The following SLC39A3 variants were observed in gnomAD, a reference collection of about 807,000 sequenced individuals.
The protein encoded by SLC39A3 is solute carrier family 39 member 3, also known as zinc transporter ZIP3.
A neutral mutation model predicts 5.1 loss-of-function variants in SLC39A3; 3 were observed. The observed-to-expected ratio is 0.59, with a 90% CI of 0.27 to 1.54. The LOEUF (loss-of-function observed/expected upper bound fraction) is 1.54, where lower values mean the gene tolerates loss of function less well. SLC39A3 is among the 40% of genes most tolerant of loss of function. SLC39A3 has a pLI of 0.12. For missense variants in SLC39A3, 412 were observed against 436.4 expected (o/e 0.94, Z 0.50); for synonymous variants, 250 against 218.8 (o/e 1.14, Z -1.26).
rs1035862603 is a variant in SLC39A3 at position 2,734,028 on chromosome 19, G to A, written c.211-543C>T. ...TTCCCTGACCGACATGCCTGGGCCC[G>A]ACTCTCCTCCTGGTCAGGGCTCTCC... On this transcript the variant is annotated intron_variant, in intron 2 of 2. Transcript: ENST00000269740. The surrounding 1 kb of genome is among the most constrained non-coding windows in gnomAD (Gnocchi z 4.6). Among the ~76,000 whole-genome samples the A allele has an allele frequency of 2.6e-5, 4 of 152,182 alleles. No homozygotes were observed. Among genetic ancestry groups the A allele is most frequent in the African/African-American group, 4.8e-5 (2 of 41,450 alleles).
intron 2 of SLC39A3, chr19:2,736,784 G>T: frequency 6.9e-7 from 1 of 1,445,852 alleles, no homozygotes; most frequent in Non-Finnish European, 9.1e-7. Context: ...TACCTAGGTG[G>T]GTAGTCTGGT....
Position 2,733,304 on chromosome 19 carries a change from G to A in SLC39A3, c.392C>T (p.Ser131Leu), listed in dbSNP as rs747631977. The A allele has an allele frequency of 4.8e-5, 77 of 1,612,874 alleles. No individual in the cohort carries two copies. Among genetic ancestry groups the A allele is most frequent in the East Asian group, 2.9e-4 (13 of 44,892 alleles). ...CCCCATGAAGGGGCTCTCATACTCC[G>A]AGTCGCTGCCCACGTCCGATCCGGC... ...FNAGSDVGSD[S>L]EYESPFMGGA... Residue 131 changes from serine (S) to leucine (L), a missense_variant, in exon 3 of 3, where the codon TCG becomes TTG. Transcript: ENST00000269740. This position sits in a 1 kb window ranked among gnomAD's most constrained non-coding sequence, Gnocchi z 6.1.
chr19:2,732,922 G>A lies in SLC39A3; in HGVS notation c.774C>T (p.Gly258=). Residue 258 remains glycine (G), a synonymous_variant, in exon 3 of 3, where the codon GGC becomes GGT. Coordinates refer to ENST00000269740, the MANE Select transcript of SLC39A3 (RefSeq NM_144564.5). The stretch of plus-strand genomic sequence containing the variant: ...CCTGCAGCAGCACGGACGCCACGCT[G>A]CCCGGCACGCCCTGGGCGCTCTCAA... The part of the protein sequence containing the change: ...LGIESAQGVP[G]SVASVLLQGL... The A allele has an allele frequency of 1.2e-6, 2 of 1,610,076 alleles. No homozygotes were observed. The highest frequency in any genetic ancestry group is 1.7e-6 in the Non-Finnish European group (2 of 1,178,490).
chr19:2,733,740 G>A lies in SLC39A3; in HGVS notation c.211-255C>T, dbSNP rs370888671. On this transcript the variant is annotated intron_variant, in intron 2 of 2. Coordinates refer to ENST00000269740, the MANE Select transcript of SLC39A3 (RefSeq NM_144564.5). This position sits in a 1 kb window ranked among gnomAD's most constrained non-coding sequence, Gnocchi z 6.1. ...GCGGATTGCTTGAGCCCAGGAGTTCGAGACCAGCCTGGCCAATATGGGGAA... is the reference window on the plus strand; with the variant it reads ...GCGGATTGCTTGAGCCCAGGAGTTCAAGACCAGCCTGGCCAATATGGGGAA... 2.6e-5 allele frequency among the ~76,000 whole-genome samples: 4 copies of A among 152,140 alleles called. No individual in the cohort carries two copies. Among genetic ancestry groups the A allele is most frequent in the Non-Finnish European group, 5.9e-5 (4 of 68,022 alleles).
At position 2,733,045 on chromosome 19, in the gene SLC39A3, G is replaced by A. The variant is rs1185879302; in HGVS notation, c.651C>T (p.Ile217=). The change falls in exon 3 of 3, where the codon ATC becomes ATT. Residue 217 remains isoleucine, a synonymous_variant. Transcript: ENST00000269740. The surrounding 1 kb of genome is among the most constrained non-coding windows in gnomAD (Gnocchi z 6.1). ...GGGGCATGGCACTCCGGGCCATGCT[G>A]ATGCCCAGGGCCACGGCCACCAGTG... is the stretch of plus-strand genomic sequence containing the variant. ...HETLVAVALG[I]SMARSAMPLR... is the part of the protein sequence containing the mutation. The A allele has an allele frequency of 6.2e-7, 1 of 1,609,606 alleles. No homozygotes were observed. The highest frequency in any genetic ancestry group is 8.5e-7 in the Non-Finnish European group (1 of 1,178,400).
At position 2,733,543 on chromosome 19, in the gene SLC39A3, C is replaced by G. The variant is rs1401103680; in HGVS notation, c.211-58G>C. ...GACCCACGCTCAGGGGTGGCGGCGA[C>G]AGGGCTGGCCAGATGTCACCGTTCA... On this transcript the variant is annotated intron_variant, in intron 2 of 2. Coordinates refer to ENST00000269740, the MANE Select transcript of SLC39A3 (RefSeq NM_144564.5). The surrounding 1 kb of genome is among the most constrained non-coding windows in gnomAD (Gnocchi z 6.1). 6.5e-7 allele frequency: 1 copy of G among 1,542,480 alleles called. No individual in the cohort carries two copies. The highest frequency in any genetic ancestry group is 8.7e-7 in the Non-Finnish European group (1 of 1,147,556).
chr19:2,735,101 C>T lies in SLC39A3; in HGVS notation c.211-1616G>A, dbSNP rs1202734744. 41 of 985,206 alleles carry T rather than the reference C, an allele frequency of 4.2e-5. No homozygotes were observed. Among genetic ancestry groups the T allele is most frequent in the Non-Finnish European group, 4.6e-5 (38 of 829,904 alleles). The allele number at this position is 985,206 out of a possible 1,614,324, so 61.0% of individuals were successfully genotyped here. ...GAGGGGGAGGGAAGAGCAAGCTCCC[C>T]GCAGTCGCCCAGGCCTGCAGTCAGA... On this transcript the variant is annotated intron_variant, in intron 2 of 2. Transcript: ENST00000269740. The surrounding 1 kb of genome is among the most constrained non-coding windows in gnomAD (Gnocchi z 5.7).
chr19:2,734,768 G>A lies in SLC39A3; in HGVS notation c.211-1283C>T, dbSNP rs1914306564. On this transcript the variant is annotated intron_variant, in intron 2 of 2. Coordinates refer to ENST00000269740, the MANE Select transcript of SLC39A3 (RefSeq NM_144564.5). This position sits in a 1 kb window ranked among gnomAD's most constrained non-coding sequence, Gnocchi z 4.6. ...GGGTGAGCCTCTGCTGCAGCAGAAG[G>A]CTGTGTTTCCACGGAGAAGCCACTT... is the stretch of plus-strand genomic sequence containing the variant. 8.1e-6 allele frequency: 8 copies of A among 985,354 alleles called. No individual in the cohort carries two copies. The highest frequency in any genetic ancestry group is 9.6e-6 in the Non-Finnish European group (8 of 829,948). 61.0% of individuals were successfully genotyped at this position (985,354 alleles called of 1,614,324 possible).
At chr19:2,739,680 C>T (rs111441072) in intron 1 of SLC39A3, among the ~76,000 whole-genome samples, 65 of 152,328 alleles carry the variant, frequency 4.3e-4, no homozygotes, top group African/African-American at 1.6e-3. Flanking sequence ...CCAATAAAGA[C>T]CTGTCCGGCA....
At chr19:2,738,627 C>T (rs1395253783) in intron 1 of SLC39A3, among the ~76,000 whole-genome samples, 1 of 152,006 alleles carries the variant, frequency 6.6e-6, no homozygotes, top group Admixed American at 6.6e-5. Flanking sequence ...GGGCCTCCCT[C>T]GGTTGGGAGT....
chr19:2,736,854 C>T, intron 2 of SLC39A3, 194 bp downstream of exon 2: 2 of 1,484,144 alleles, frequency 1.3e-6, no homozygotes, highest in South Asian at 2.8e-5. Context: ...CTGGTCCAAA[C>T]CCCTTGTTTG....
chr19:2,735,860 G>C lies in SLC39A3; in HGVS notation c.210+1188C>G, dbSNP rs541056755. On this transcript the variant is annotated intron_variant, in intron 2 of 2. Coordinates refer to ENST00000269740, the MANE Select transcript of SLC39A3 (RefSeq NM_144564.5). This position sits in a 1 kb window ranked among gnomAD's most constrained non-coding sequence, Gnocchi z 5.7. ...AACAGGCTCAGATGATTTAATCCCAGACAACAGCCCTTCTCCTCCTTTCTG... is the reference window on the plus strand; with the variant it reads ...AACAGGCTCAGATGATTTAATCCCACACAACAGCCCTTCTCCTCCTTTCTG... 5.4e-4 allele frequency: 534 copies of C among 985,514 alleles called. 2 individuals are homozygous for C. The African/African-American group carries it at 8.8e-3, about 16-fold the overall frequency. The allele number at this position is 985,514 out of a possible 1,614,324, so 61.0% of individuals were successfully genotyped here.
chr19:2,737,228 C>T lies in SLC39A3; in HGVS notation c.30G>A (p.Leu10=), dbSNP rs1340565085. The part of the protein sequence containing the change: MVKLLVAKI[L]CMVGVFFFML... ...TGAAGAAGAACACGCCCACCATGCA[C>T]AGGATTTTGGCCACTAGCAATTTCA... The change falls in exon 2 of 3, where the codon CTG becomes CTA. Residue 10 remains leucine, a synonymous_variant. Coordinates refer to ENST00000269740, the MANE Select transcript of SLC39A3 (RefSeq NM_144564.5). 3 of 1,613,948 alleles carry T rather than the reference C, an allele frequency of 1.9e-6. No homozygotes were observed. The highest frequency in any genetic ancestry group is 2.5e-6 in the Non-Finnish European group (3 of 1,180,008).
Position 2,733,517 on chromosome 19 carries a change from A to AGG in SLC39A3, c.211-33_211-32insCC. 6.3e-7 allele frequency: 1 copy of AGG among 1,580,444 alleles called. No individual in the cohort carries two copies. Among genetic ancestry groups the AGG allele is most frequent in the East Asian group, 2.2e-5 (1 of 44,452 alleles). ...CCGGGGACACCCGAGAGAGAGAGAG[A>AGG]GACCCACGCTCAGGGGTGGCGGCGA... On this transcript the variant is annotated intron_variant, in intron 2 of 2. Coordinates refer to ENST00000269740, the MANE Select transcript of SLC39A3 (RefSeq NM_144564.5). The surrounding 1 kb of genome is among the most constrained non-coding windows in gnomAD (Gnocchi z 6.1).
chr19:2,734,099 C>T lies in SLC39A3; in HGVS notation c.211-614G>A, dbSNP rs755437328. Among the ~76,000 whole-genome samples, 43 of 152,320 alleles carry T rather than the reference C, an allele frequency of 2.8e-4. No homozygotes were observed. The highest frequency in any genetic ancestry group is 4.4e-4 in the Non-Finnish European group (30 of 68,014). ...GGGGAGAAACTAGACGTGGGTCAGA[C>T]GGGAGCCGCAGGGCGTCTGCAAGAG... On this transcript the variant is annotated intron_variant, in intron 2 of 2. Coordinates refer to ENST00000269740, the MANE Select transcript of SLC39A3 (RefSeq NM_144564.5). The surrounding 1 kb of genome is among the most constrained non-coding windows in gnomAD (Gnocchi z 4.6).
rs542325738 is a variant in SLC39A3, at chr19:2,739,019, C to T, written c.-123+926G>A. ...GGAGGCTGAGGCAGGAGAATTGCTTCAACCCAGGAGGTGGAGCTTGCAGTG... is the reference window on the plus strand; with the variant it reads ...GGAGGCTGAGGCAGGAGAATTGCTTTAACCCAGGAGGTGGAGCTTGCAGTG... On this transcript the variant is annotated intron_variant, in intron 1 of 2. Coordinates refer to ENST00000269740, the MANE Select transcript of SLC39A3 (RefSeq NM_144564.5). Among the ~76,000 whole-genome samples, 5 of 140,102 alleles carry T rather than the reference C, an allele frequency of 3.6e-5. No homozygotes were observed. The East Asian group carries it at 1.1e-3, about 32-fold the overall frequency. The allele number at this position is 140,102 out of a possible 152,430, so 91.9% of individuals were successfully genotyped here. A position where few individuals can be genotyped will look rare whatever the true frequency, so the allele number is the denominator to read the frequency against.
In SLC39A3 at chr19:2,733,371, G is replaced by A. The variant is rs770057696; in HGVS notation, c.325C>T (p.Arg109Cys). The change falls in exon 3 of 3, where the codon CGC becomes TGC. Residue 109 changes from arginine to cysteine, a missense_variant. By Grantham distance (180) the Arg-to-Cys change is radical (BLOSUM62 -3). Coordinates refer to ENST00000269740, the MANE Select transcript of SLC39A3 (RefSeq NM_144564.5). This position sits in a 1 kb window ranked among gnomAD's most constrained non-coding sequence, Gnocchi z 6.1. ...TCGATGAAGGACGGCTTCTCCTTGC[G>A]GAAGGTCAGGATCAGCTGCTCCAGG... ...VFLEQLILTFRKEKPSFIDLE... is the reference protein window; with the variant it reads ...VFLEQLILTFCKEKPSFIDLE... The A allele has an allele frequency of 1.4e-5, 22 of 1,613,238 alleles. No individual in the cohort carries two copies. The highest frequency in any genetic ancestry group is 3.3e-4 in the Middle Eastern group (2 of 6,062).
rs541417957 is a variant in SLC39A3 at position 2,733,417 on chromosome 19, C to T, written c.279G>A (p.Leu93=). Residue 93 remains leucine (L), a synonymous_variant, in exon 3 of 3, where the codon CTG becomes CTA. Transcript: ENST00000269740. The surrounding 1 kb of genome is among the most constrained non-coding windows in gnomAD (Gnocchi z 6.1). ...CCAGGAAGACGGTCATGAAGAAGCC[C>T]AGCAGGAGGATGGTTTCGGCCAGCG... ...DYPLAETILL[L]GFFMTVFLEQ... is the part of the protein sequence containing the mutation. 3 of 1,612,988 alleles carry T rather than the reference C, an allele frequency of 1.9e-6. No individual in the cohort carries two copies. The South Asian group carries it at 3.3e-5, about 18-fold the overall frequency.
At chr19:2,737,728 G>C (rs1347948820) in intron 1 of SLC39A3, 1 of 168,120 alleles carries the variant, frequency 5.9e-6, no homozygotes, top group Non-Finnish European at 1.3e-5. Context: ...TTTGGAACTC[G>C]GACTGGCTCT....
Sources: allele counts gnomAD v4.1 joint callset (sites outside exome capture counted in the v4.1 genomes callset), GRCh38; gene constraint gnomAD v4.1.1; non-coding constraint Gnocchi (gnomAD v3.1); transcripts MANE v1.5; gene names NCBI Gene and HGNC (gene_info 2026-07-23, HGNC 2026-07-21).